The following THSD7B variants were observed in gnomAD, a reference collection of about 807,000 sequenced individuals.
The protein encoded by THSD7B is thrombospondin type-1 domain-containing protein 7B.
In THSD7B, 138 loss-of-function variants were observed where a neutral mutation model predicts 213.6. The observed-to-expected ratio is 0.65, with a 90% CI of 0.56 to 0.74. THSD7B has a LOEUF of 0.74. Among genes scored for constraint, THSD7B ranks in the 30% least tolerant of loss-of-function variants. The pLI is 0.00. For missense variants in THSD7B, 1,931 were observed against 1,991.5 expected (o/e 0.97, Z 0.58); for synonymous variants, 742 against 687.0 (o/e 1.08, Z -1.25).
rs371762451 is a variant in THSD7B at position 136,833,433 on chromosome 2, A to AATTTT, written c.-35-48711_-35-48710insATTTT. Among the ~76,000 whole-genome samples, 3 of 112,074 alleles carry AATTTT rather than the reference A, an allele frequency of 2.7e-5. No individual in the cohort carries two copies. The Admixed American group carries it at 3.4e-4, about 13-fold the overall frequency. 73.5% of individuals were successfully genotyped at this position (112,074 alleles called of 152,430 possible). A position where few individuals can be genotyped will look rare whatever the true frequency, so the allele number is the denominator to read the frequency against. ...TATGCATAGATCTTGATTATTTTCT[A>AATTTT]TTTTTTTTTTTTTTGCAATTAACTG... is the stretch of plus-strand genomic sequence containing the variant. On this transcript the variant is annotated intron_variant, in intron 1 of 27. Transcript: ENST00000409968.
chr2:137,328,806 T>C (rs1223112586), intron 12 of THSD7B, among the ~76,000 whole-genome samples: 1 of 152,200 alleles, frequency 6.6e-6, no homozygotes, highest in Admixed American at 6.5e-5. Context: ...GATGGTTTTA[T>C]AAGGGCCCCC....
At chr2:137,165,299 A>G (rs1214331800) in intron 6 of THSD7B, among the ~76,000 whole-genome samples, 4 of 152,210 alleles carry the variant, frequency 2.6e-5, no homozygotes, top group Non-Finnish European at 4.4e-5. Flanking sequence ...CCTAGAGCAG[A>G]GAGAATTTTG....
intron 10 of THSD7B, among the ~76,000 whole-genome samples, chr2:137,247,793 A>G (rs1246804697): frequency 1.3e-5 from 2 of 152,036 alleles, no homozygotes; most frequent in African/African-American, 4.8e-5. Context: ...TTTTTTTTTA[A>G]ACACCTAGGC....
At chr2:137,493,317 T>C (rs1679478202) in intron 15 of THSD7B, among the ~76,000 whole-genome samples, 1 of 152,268 alleles carries the variant, frequency 6.6e-6, no homozygotes, top group African/African-American at 2.4e-5. Context: ...TTGCTTTCTC[T>C]AACCCTTTGT....
At chr2:137,320,365 A>ACTTATC (rs1684236091) in intron 12 of THSD7B, among the ~76,000 whole-genome samples, 1 of 152,192 alleles carries the variant, frequency 6.6e-6, no homozygotes, top group Admixed American at 6.5e-5. Context: ...ATCCAGAAAA[A>ACTTATC]CAGTTTGCCC....
At chr2:137,565,380 T>C (rs1681214319) in intron 16 of THSD7B, among the ~76,000 whole-genome samples, 1 of 152,152 alleles carries the variant, frequency 6.6e-6, no homozygotes, top group African/African-American at 2.4e-5. Flanking sequence ...TACTCTTTCA[T>C]AACATGGTTG....
At chr2:137,600,171 G>T (rs902822808) in intron 17 of THSD7B, among the ~76,000 whole-genome samples, 1 of 152,050 alleles carries the variant, frequency 6.6e-6, no homozygotes, top group Non-Finnish European at 1.5e-5. Context: ...AACCAGTTCA[G>T]GCATATTTTG....
At chr2:137,667,151 T>G (rs1683464676) in intron 26 of THSD7B, among the ~76,000 whole-genome samples, 1 of 152,202 alleles carries the variant, frequency 6.6e-6, no homozygotes. Context: ...ATAAACACCT[T>G]AAAATAAATT....
At chr2:137,035,641 A>G (rs1009416155) in intron 2 of THSD7B, among the ~76,000 whole-genome samples, 7 of 152,050 alleles carry the variant, frequency 4.6e-5, no homozygotes, top group African/African-American at 1.2e-4. Context: ...ATGAATGAAT[A>G]AATACACTGA....
At chr2:136,899,560 A>T (rs189395149) in intron 2 of THSD7B, among the ~76,000 whole-genome samples, 146 of 152,308 alleles carry the variant, frequency 9.6e-4, no homozygotes, top group African/African-American at 3.0e-3. Context: ...GTGAGGTTTC[A>T]TAAAGTTCAC....
intron 12 of THSD7B, among the ~76,000 whole-genome samples, chr2:137,344,323 G>T (rs1288321470): frequency 1.3e-5 from 2 of 151,838 alleles, no homozygotes; most frequent in East Asian, 1.9e-4. Context: ...GAATAATGTG[G>T]CTTACAAGTG....
chr2:136,982,237 G>C (rs1685588086), intron 2 of THSD7B, among the ~76,000 whole-genome samples: 1 of 151,364 alleles, frequency 6.6e-6, no homozygotes, highest in Admixed American at 6.6e-5. Flanking sequence ...CTGATCCTTG[G>C]TTTCTCTCTC....
At chr2:137,251,285 A>T (rs1306823123) in intron 10 of THSD7B, among the ~76,000 whole-genome samples, 1 of 152,174 alleles carries the variant, frequency 6.6e-6, no homozygotes, top group Non-Finnish European at 1.5e-5. Flanking sequence ...TTAGAGCATC[A>T]GATTTGTCTC....
intron 13 of THSD7B, among the ~76,000 whole-genome samples, chr2:137,406,817 A>G (rs1179387089): frequency 1.3e-5 from 2 of 152,238 alleles, no homozygotes; most frequent in South Asian, 2.1e-4. Flanking sequence ...TTCATGCCCT[A>G]TCTTCCACAA....
chr2:137,516,918 C>T (rs1355145383), intron 15 of THSD7B, among the ~76,000 whole-genome samples: 2 of 152,212 alleles, frequency 1.3e-5, no homozygotes, highest in Non-Finnish European at 2.9e-5. Context: ...GTGATTCCCA[C>T]CACATCCCTG....
intron 14 of THSD7B, among the ~76,000 whole-genome samples, chr2:137,415,689 T>C (rs1021364782): frequency 2.3e-4 from 18 of 79,496 alleles, no homozygotes; most frequent in Admixed American, 1.8e-3. Flanking sequence ...TTTTTTTTTT[T>C]CAAAGAACAG....
At chr2:137,454,377 C>T (rs1471688892) in intron 15 of THSD7B, among the ~76,000 whole-genome samples, 1 of 150,478 alleles carries the variant, frequency 6.6e-6, no homozygotes, top group East Asian at 2.0e-4. Context: ...AAGAAATTCT[C>T]TTCAGAGCCA....
intron 2 of THSD7B, among the ~76,000 whole-genome samples, chr2:136,955,553 T>C (rs1424567687): frequency 1.3e-5 from 2 of 152,178 alleles, no homozygotes; most frequent in African/African-American, 2.4e-5. Flanking sequence ...TTTAAATTTG[T>C]AGTTTCCTTT....
intron 1 of THSD7B, among the ~76,000 whole-genome samples, chr2:136,766,416 G>T (rs1037355234): frequency 6.6e-6 from 1 of 152,192 alleles, no homozygotes; most frequent in African/African-American, 2.4e-5. Context: ...GGCAGGGAGG[G>T]GGGGACAGGC....
Sources: allele counts gnomAD v4.1 joint callset (sites outside exome capture counted in the v4.1 genomes callset), GRCh38; gene constraint gnomAD v4.1.1; transcripts MANE v1.5; gene names NCBI Gene and HGNC (gene_info 2026-07-23, HGNC 2026-07-21).